The following ATF6 variants were observed in gnomAD, a reference collection of about 807,000 sequenced individuals.
ATF6 encodes activating transcription factor 6.
In ATF6, 53 loss-of-function variants were observed where a neutral mutation model predicts 83.6. The ratio of observed to expected loss-of-function variants is 0.63; its 90% CI spans 0.51 to 0.80. The LOEUF (loss-of-function observed/expected upper bound fraction) is 0.80, where lower values mean the gene tolerates loss of function less well. ATF6 is among the 30% of genes least tolerant of loss of function. The pLI is 0.00. For missense variants in ATF6, 744 were observed against 797.9 expected (o/e 0.93, Z 0.81); for synonymous variants, 288 against 285.8 (o/e 1.01, Z -0.08).
In ATF6 at chr1:161,860,257, A is replaced by G; in HGVS notation, c.1584A>G (p.Thr528=). The part of the protein sequence containing the change: ...SNSQLMAVQY[T]ETTSSISRNS... Reference sequence around the variant, plus strand: ...CTCAGCTGATGGCTGTTCAATACACAGAAACCACTAGTAGTATCAGGTAAG... The same window carrying G: ...CTCAGCTGATGGCTGTTCAATACACGGAAACCACTAGTAGTATCAGGTAAG... Residue 528 remains threonine (T), a synonymous_variant, in exon 13 of 16, where the codon ACA becomes ACG. Transcript: ENST00000367942. The G allele has an allele frequency of 6.2e-7, 1 of 1,600,234 alleles. No individual in the cohort carries two copies. The highest frequency in any genetic ancestry group is 2.2e-5 in the East Asian group (1 of 44,594).
rs1689148169 is a variant in ATF6 at position 161,963,629 on chromosome 1, A to C, written c.*4975A>C. 6.6e-6 allele frequency: 1 copy of C among 152,234 alleles called. No individual in the cohort carries two copies. Among genetic ancestry groups the C allele is most frequent in the Non-Finnish European group, 1.5e-5 (1 of 68,038 alleles). 9.4% of individuals were successfully genotyped at this position (152,234 alleles called of 1,614,324 possible). On this transcript the variant is annotated 3_prime_UTR_variant, in exon 16 of 16. Coordinates refer to ENST00000367942, the MANE Select transcript of ATF6 (RefSeq NM_007348.4). Reference sequence around the variant, plus strand: ...TAGAGATTAGTAGGTTGACTTTCACAGCAATTGTATATTGATCCATTTTAA... The same window carrying C: ...TAGAGATTAGTAGGTTGACTTTCACCGCAATTGTATATTGATCCATTTTAA...
Position 161,802,113 on chromosome 1 carries a change from C to T in ATF6, c.750C>T (p.Pro250=), listed in dbSNP as rs1208416144. 6.2e-7 allele frequency: 1 copy of T among 1,614,108 alleles called. No homozygotes were observed. The highest frequency in any genetic ancestry group is 1.7e-5 in the Admixed American group (1 of 59,986). The change falls in exon 7 of 16, where the codon CCC becomes CCT. Residue 250 remains proline, a synonymous_variant. Transcript: ENST00000367942. ...AACTTCAAGCACCTGGAGTTCTGCC[C>T]TCTGCTCAGCCAGTCCTTGCTGTTG... ...VVQLQAPGVL[P]SAQPVLAVAG... is the part of the protein sequence containing the mutation.
rs201891219 is a variant in ATF6, at chr1:161,915,624, CT to C, written c.1804+3257del. Among the ~76,000 whole-genome samples the C allele has an allele frequency of 4.7e-3, 680 of 145,462 alleles. 4 individuals are homozygous for C. The highest frequency in any genetic ancestry group is 0.011 in the African/African-American group (450 of 39,906). On this transcript the variant is annotated intron_variant, in intron 15 of 15. Coordinates refer to ENST00000367942, the MANE Select transcript of ATF6 (RefSeq NM_007348.4). Reference sequence around the variant, plus strand: ...GTCATTCCCATCAGCATACAAATGTCTTTTTTTTTTTTTCCTCGAGGGAGGG... The same window carrying C: ...GTCATTCCCATCAGCATACAAATGTCTTTTTTTTTTTTCCTCGAGGGAGGG...
intron 9 of ATF6, among the ~76,000 whole-genome samples, chr1:161,845,172 C>T (rs1285287408): frequency 6.6e-6 from 1 of 152,134 alleles, no homozygotes; most frequent in Non-Finnish European, 1.5e-5. Flanking sequence ...AGAGGTGTGT[C>T]TGCTCCCCGT....
At chr1:161,817,117 G>A (rs1434886177) in intron 7 of ATF6, among the ~76,000 whole-genome samples, 1 of 152,152 alleles carries the variant, frequency 6.6e-6, no homozygotes. Context: ...TATGGGGCAC[G>A]TGGATTGACA....
chr1:161,855,246 G>A (rs1686732688), intron 12 of ATF6, among the ~76,000 whole-genome samples: 1 of 152,152 alleles, frequency 6.6e-6, no homozygotes, highest in Non-Finnish European at 1.5e-5. Flanking sequence ...GAGAGAAATT[G>A]TTGTGGTCCA....
At chr1:161,778,807 CTAT>C (rs1002664966) in intron 2 of ATF6, among the ~76,000 whole-genome samples, 15 of 152,142 alleles carry the variant, frequency 9.9e-5, no homozygotes, top group African/African-American at 3.6e-4. Flanking sequence ...TGTGTGAAAA[CTAT>C]TATAACACTG....
intron 14 of ATF6, among the ~76,000 whole-genome samples, chr1:161,874,011 A>G (rs1687164376): frequency 6.6e-6 from 1 of 151,868 alleles, no homozygotes; most frequent in Non-Finnish European, 1.5e-5. Context: ...CATTGTTATC[A>G]GGACCATCTG....
At chr1:161,899,325 G>A (rs573166241) in intron 14 of ATF6, among the ~76,000 whole-genome samples, 2 of 152,202 alleles carry the variant, frequency 1.3e-5, no homozygotes, top group South Asian at 2.1e-4. Flanking sequence ...CACTCTACAA[G>A]CCCATTTGAA....
At chr1:161,879,646 A>G (rs1484534411) in intron 14 of ATF6, among the ~76,000 whole-genome samples, 1 of 152,176 alleles carries the variant, frequency 6.6e-6, no homozygotes, top group African/African-American at 2.4e-5. Flanking sequence ...AAGCTATTAC[A>G]TAATAGCTGC....
chr1:161,788,952 A>T (rs899659979), intron 4 of ATF6, among the ~76,000 whole-genome samples: 4 of 151,978 alleles, frequency 2.6e-5, no homozygotes, highest in Non-Finnish European at 5.9e-5. Context: ...TGTAATTGTT[A>T]TTGCTATTGT....
chr1:161,852,214 T>C (rs1404230300), intron 11 of ATF6, among the ~76,000 whole-genome samples: 1 of 152,216 alleles, frequency 6.6e-6, no homozygotes, highest in East Asian at 1.9e-4. Context: ...CACACTTCTT[T>C]ATCAATTTTT....
chr1:161,945,970 C>T (rs2101914065), intron 15 of ATF6, among the ~76,000 whole-genome samples: 1 of 152,212 alleles, frequency 6.6e-6, no homozygotes, highest in Non-Finnish European at 1.5e-5. Flanking sequence ...TACTGAGTAC[C>T]TGACTTCAGA....
At chr1:161,803,552 A>G (rs1685208085) in intron 7 of ATF6, among the ~76,000 whole-genome samples, 1 of 152,200 alleles carries the variant, frequency 6.6e-6, no homozygotes, top group African/African-American at 2.4e-5. Context: ...GTTGAAGATG[A>G]AACAATGTTG....
intron 15 of ATF6, among the ~76,000 whole-genome samples, chr1:161,918,604 A>G (rs1403174533): frequency 1.3e-5 from 2 of 152,200 alleles, no homozygotes; most frequent in Admixed American, 6.5e-5. Flanking sequence ...CTATTTATTG[A>G]AAGAGCAGAG....
At chr1:161,920,294 C>CTCTTTTTTTT (rs1157916734) in intron 15 of ATF6, among the ~76,000 whole-genome samples, 2 of 54,846 alleles carry the variant, frequency 3.6e-5, no homozygotes, top group African/African-American at 7.4e-5. Flanking sequence ...CTCTCTCTCT[C>CTCTTTTTTTT]TTTTTTTTTT....
intron 14 of ATF6, among the ~76,000 whole-genome samples, chr1:161,880,824 T>A (rs1313016117): frequency 6.6e-6 from 1 of 152,138 alleles, no homozygotes; most frequent in East Asian, 1.9e-4. Context: ...ACTACCAAAC[T>A]ACTTTGGTAC....
At chr1:161,792,494 A>G (rs1186698500) in intron 6 of ATF6, among the ~76,000 whole-genome samples, 167 bp downstream of exon 6, 1 of 152,222 alleles carries the variant, frequency 6.6e-6, no homozygotes, top group Non-Finnish European at 1.5e-5. Context: ...GGTTCCTGTC[A>G]TAACAAGGGA....
chr1:161,889,906 CT>C, intron 14 of ATF6, among the ~76,000 whole-genome samples: 1 of 152,252 alleles, frequency 6.6e-6, no homozygotes, highest in East Asian at 1.9e-4. Context: ...AATTTTTTCA[CT>C]TTTTATTTTG....
Sources: allele counts gnomAD v4.1 joint callset (sites outside exome capture counted in the v4.1 genomes callset), GRCh38; gene constraint gnomAD v4.1.1; transcripts MANE v1.5; gene names NCBI Gene and HGNC (gene_info 2026-07-23, HGNC 2026-07-21).